Variants in ESRRA observed in about 807,000 individuals in gnomAD.
ESRRA encodes estrogen related receptor alpha.
A neutral mutation model predicts 35.6 loss-of-function variants in ESRRA; 7 were observed. The observed-to-expected ratio is 0.20, with a 90% CI of 0.11 to 0.37. The LOEUF (loss-of-function observed/expected upper bound fraction) is 0.37. ESRRA is among the 10% of genes least tolerant of loss of function. The pLI, the probability that ESRRA is intolerant of heterozygous loss-of-function variation, is 1.00. For synonymous variants in ESRRA, 223 were observed against 246.9 expected, an observed-to-expected ratio of 0.90 and a Z score of 0.91; for missense variants, 378 against 561.7, an observed-to-expected ratio of 0.67 and a Z score of 3.31.
chr11:64,310,536 GTT>G (rs1185768710), intron 2 of ESRRA, among the ~76,000 whole-genome samples: 1 of 100,498 alleles, frequency 1.0e-5, no homozygotes, highest in Non-Finnish European at 1.9e-5. Flanking sequence ...TCCTGGCCAG[GTT>G]TTTTTTTTTT....
chr11:64,307,955 C>T (rs1054156246), intron 2 of ESRRA, among the ~76,000 whole-genome samples: 3 of 151,960 alleles, frequency 2.0e-5, no homozygotes, highest in Non-Finnish European at 4.4e-5. Context: ...TGCAGTGGCA[C>T]AATCTCTGCT....
At chr11:64,311,224 T>C (rs1029506403) in intron 2 of ESRRA, among the ~76,000 whole-genome samples, 3 of 152,336 alleles carry the variant, frequency 2.0e-5, no homozygotes, top group African/African-American at 7.2e-5. Flanking sequence ...ACCTGTTCTT[T>C]GCTGTCCTGG....
rs750451572 is a variant in ESRRA, at chr11:64,315,855, C to T, written c.1161C>T (p.Leu387=). The T allele has an allele frequency of 7.4e-6, 12 of 1,610,960 alleles. No homozygotes were observed. The highest frequency in any genetic ancestry group is 1.7e-5 in the Admixed American group (1 of 59,896). The stretch of plus-strand genomic sequence containing the variant: ...GCAGGCTGCTGCTCACGCTACCGCT[C>T]CTCCGCCAGACAGCGGGCAAAGTGC... ...RAGRLLLTLP[L]LRQTAGKVLA... is the part of the protein sequence containing the mutation. The change falls in exon 7 of 7, where the codon CTC becomes CTT. Residue 387 remains leucine, a synonymous_variant. Transcript: ENST00000000442.
At chr11:64,312,952 A>T (rs620645) in intron 2 of ESRRA, among the ~76,000 whole-genome samples, 1 of 152,112 alleles carries the variant, frequency 6.6e-6, no homozygotes, top group South Asian at 2.1e-4. Flanking sequence ...CTAGGAGGAC[A>T]TAGGTTCGCT....
chr11:64,315,638 G>A, intron 6 of ESRRA, 69 bp from the exon 7 acceptor site: 2 of 1,581,588 alleles, frequency 1.3e-6, no homozygotes, highest in Non-Finnish European at 1.7e-6. Flanking sequence ...ATCCAGCAGT[G>A]CTCAAGATAC....
At chr11:64,315,562 C>G in intron 6 of ESRRA, 145 bp from the exon 7 acceptor site, 1 of 1,206,016 alleles carries the variant, frequency 8.3e-7, no homozygotes, top group East Asian at 2.4e-5. Flanking sequence ...CCACGAGCCG[C>G]AGCAATGAGT....
chr11:64,314,107 C>G, intron 3 of ESRRA, 40 bp downstream of exon 3: 1 of 1,552,668 alleles, frequency 6.4e-7, no homozygotes, highest in Non-Finnish European at 8.7e-7. Flanking sequence ...CTGGGGGAGT[C>G]GGGGACCCGG....
chr11:64,309,214 C>T (rs2035093803), intron 2 of ESRRA, among the ~76,000 whole-genome samples: 1 of 152,002 alleles, frequency 6.6e-6, no homozygotes, highest in Non-Finnish European at 1.5e-5. Flanking sequence ...GCAGACGGAT[C>T]ACGAGGTCAG....
chr11:64,307,579 G>T, intron 2 of ESRRA, 75 bp downstream of exon 2: 2 of 1,168,540 alleles, frequency 1.7e-6, no homozygotes, highest in Non-Finnish European at 2.3e-6. Context: ...TAGGCCCCCT[G>T]ATGGCTGTGG....
At chr11:64,310,351 C>T (rs1168243966) in intron 2 of ESRRA, among the ~76,000 whole-genome samples, 2 of 151,340 alleles carry the variant, frequency 1.3e-5, no homozygotes, top group Non-Finnish European at 2.9e-5. Context: ...TCTCCTGCCT[C>T]AGCCTCCTGA....
chr11:64,309,453 A>G (rs2035098913), intron 2 of ESRRA, among the ~76,000 whole-genome samples: 1 of 139,748 alleles, frequency 7.2e-6, no homozygotes, highest in South Asian at 2.3e-4. Context: ...AAAAAAAAGG[A>G]CTTACAGGCA....
Position 64,315,847 on chromosome 11 carries a change from C to T in ESRRA, c.1153C>T (p.Leu385=), listed in dbSNP as rs2035244810. 6.2e-7 allele frequency: 1 copy of T among 1,611,204 alleles called. No homozygotes were observed. The highest frequency in any genetic ancestry group is 1.3e-5 in the African/African-American group (1 of 74,826). The change falls in exon 7 of 7, where the codon CTA becomes TTA. Residue 385 remains leucine (L), a synonymous_variant. Transcript: ENST00000000442. ...RRRAGRLLLT[L]PLLRQTAGKV... is the part of the protein sequence containing the mutation. ...GCGGGCGGGCAGGCTGCTGCTCACG[C>T]TACCGCTCCTCCGCCAGACAGCGGG...
intron 3 of ESRRA, 66 bp downstream of exon 3, chr11:64,314,133 G>A: frequency 6.4e-7 from 1 of 1,552,058 alleles, no homozygotes; most frequent in Non-Finnish European, 8.7e-7. Flanking sequence ...GTGGGGGTGA[G>A]GCCTGGGAGT....
At position 64,315,710 on chromosome 11, in the gene ESRRA, CTG is replaced by C. The variant is rs2035238393; in HGVS notation, c.1019_1020del (p.Val340AlafsTer23). On this transcript the variant is annotated frameshift_variant, in exon 7 of 7. Transcript: ENST00000000442. LOFTEE classifies it high-confidence loss of function. ...CCACATTCCTCTCTTCTTGCAGACT[CTG>C]TGCACATCGAAGATGCCGAGGCTGT... The C allele has an allele frequency of 6.2e-7, 1 of 1,613,774 alleles. No individual in the cohort carries two copies. The highest frequency in any genetic ancestry group is 1.3e-5 in the African/African-American group (1 of 74,950).
chr11:64,310,799 C>T (rs1465806217), intron 2 of ESRRA, among the ~76,000 whole-genome samples: 3 of 151,640 alleles, frequency 2.0e-5, no homozygotes, highest in South Asian at 4.2e-4. Context: ...CTGCCCTCCT[C>T]GGGCTTCCAA....
intron 1 of ESRRA, 24 bp from the exon 2 acceptor site, chr11:64,307,144 G>A (rs752779312): frequency 5.9e-6 from 9 of 1,520,574 alleles, no homozygotes; most frequent in Middle Eastern, 1.8e-4. Context: ...GCTTTCCTGC[G>A]AACCTATGGG....
chr11:64,311,982 C>CTTTTT lies in ESRRA; in HGVS notation c.326-1960_326-1956dup, dbSNP rs544336819. 2.9e-5 allele frequency among the ~76,000 whole-genome samples: 2 copies of CTTTTT among 68,394 alleles called. 1 individual carries two copies. Among genetic ancestry groups the CTTTTT allele is most frequent in the East Asian group, 9.6e-4 (2 of 2,076 alleles). 44.9% of individuals were successfully genotyped at this position (68,394 alleles called of 152,430 possible). The stretch of plus-strand genomic sequence containing the variant: ...ATAGGCGTGAGCCACTGCGCCTGGC[C>CTTTTT]TTTTTTTTTTTTTGGTACAGAGTTT... On this transcript the variant is annotated intron_variant, in intron 2 of 6. Coordinates refer to ENST00000000442, the MANE Select transcript of ESRRA (RefSeq NM_004451.5).
At chr11:64,315,298 G>A in intron 6 of ESRRA, 28 bp downstream of exon 6, 1 of 1,528,020 alleles carries the variant, frequency 6.5e-7, no homozygotes, top group Non-Finnish European at 8.8e-7. Flanking sequence ...ACTGACAGGT[G>A]AGGTGTCTCC....
chr11:64,314,248 T>A lies in ESRRA; in HGVS notation c.452T>A (p.Leu151Gln), dbSNP rs756533725. The A allele has an allele frequency of 6.2e-7, 1 of 1,610,958 alleles. No individual in the cohort carries two copies. Among genetic ancestry groups the A allele is most frequent in the Non-Finnish European group, 8.5e-7 (1 of 1,179,362 alleles). The change falls in exon 4 of 7, where the codon CTG becomes CAG. Residue 151 changes from leucine to glutamine, a missense_variant. Physicochemically the swap from Leu to Gln is moderately radical, Grantham distance 113. This residue lies in a region of ESRRA where 284 missense variants were observed against 411.7 expected (regional missense o/e 0.69). Transcript: ENST00000000442. Reference protein sequence around the residue: ...RVGMLKEGVRLDRVRGGRQKY... With the variant: ...RVGMLKEGVRQDRVRGGRQKY... The stretch of plus-strand genomic sequence containing the variant: ...TGTCCCACAATTCAAGGAGTGCGCC[T>A]GGACCGCGTCCGGGGTGGGCGGCAG...
Sources: gnomAD v4.1 joint callset for allele counts (sites outside exome capture counted in the v4.1 genomes callset) on GRCh38, gnomAD v4.1.1 for gene constraint, gnomAD v4.1.1 regional missense constraint, MANE v1.5 for transcripts, NCBI Gene and HGNC (gene_info 2026-07-23, HGNC 2026-07-21) for gene names.